PHF24: variants seen among roughly 807,000 people sequenced by gnomAD.
The protein encoded by PHF24 is PHD finger protein 24.
A neutral mutation model predicts 42.6 loss-of-function variants in PHF24; 25 were observed. The ratio of observed to expected loss-of-function variants is 0.59; its 90% CI spans 0.43 to 0.82. The LOEUF (loss-of-function observed/expected upper bound fraction) is 0.82, where lower values mean the gene tolerates loss of function less well. Ranked by LOEUF, PHF24 falls within the 40% of genes least tolerant of loss-of-function variation. PHF24 has a pLI of 0.00. For missense variants in PHF24, 470 were observed against 538.1 expected (o/e 0.87, Z 1.25); for synonymous variants, 185 against 204.8 (o/e 0.90, Z 0.83).
At chr9:34,731,456 T>C in the PHF24 span, among the ~76,000 whole-genome samples, 1 of 151,930 alleles carries the variant, frequency 6.6e-6, no homozygotes, top group Admixed American at 6.5e-5. Flanking sequence ...CCCCGCTACC[T>C]TTCCCAGCCT....
At chr9:34,769,472 A>G in the PHF24 span, among the ~76,000 whole-genome samples, 3 of 152,162 alleles carry the variant, frequency 2.0e-5, no homozygotes, top group Non-Finnish European at 4.4e-5. Context: ...GGATAGAAAG[A>G]CTCAACAATT....
chr9:34,964,389 T>G (rs1826697778), intron 1 of PHF24, among the ~76,000 whole-genome samples: 1 of 152,198 alleles, frequency 6.6e-6, no homozygotes, highest in African/African-American at 2.4e-5. Flanking sequence ...ACCCTCCATC[T>G]GAAAACATAA....
the PHF24 span, among the ~76,000 whole-genome samples, chr9:34,877,216 G>A: frequency 5.8e-4 from 88 of 151,166 alleles, no homozygotes; most frequent in African/African-American, 1.2e-3. Context: ...AGGAGGCAGC[G>A]GTTGCAGTGA....
chr9:34,814,608 AGGCTTTTGCTGT>A, the PHF24 span, among the ~76,000 whole-genome samples: 1 of 152,268 alleles, frequency 6.6e-6, no homozygotes, highest in Non-Finnish European at 1.5e-5. Flanking sequence ...AAACATGATG[AGGCTTTTGCTGT>A]GGCTGTACTG....
chr9:34,677,761 A>C, the PHF24 span, among the ~76,000 whole-genome samples: 1 of 152,070 alleles, frequency 6.6e-6, no homozygotes, highest in Non-Finnish European at 1.5e-5. Context: ...TTATAGAACA[A>C]AATCCTCACT....
chr9:34,816,870 G>A, the PHF24 span, among the ~76,000 whole-genome samples: 1 of 152,176 alleles, frequency 6.6e-6, no homozygotes, highest in African/African-American at 2.4e-5. Context: ...TGAGCAATTT[G>A]TTCTTGTACC....
At chr9:34,712,656 G>T in the PHF24 span, among the ~76,000 whole-genome samples, 1 of 150,204 alleles carries the variant, frequency 6.7e-6, no homozygotes, top group East Asian at 2.0e-4. Context: ...GTTTCATTTT[G>T]TTCATACACC....
chr9:34,815,101 T>C, the PHF24 span, among the ~76,000 whole-genome samples: 7 of 152,210 alleles, frequency 4.6e-5, no homozygotes, highest in Non-Finnish European at 1.0e-4. Flanking sequence ...TCTCAAGCAC[T>C]GCAGCTGCAT....
At chr9:34,918,296 A>C in the PHF24 span, 1 of 1,149,860 alleles carries the variant, frequency 8.7e-7, no homozygotes, top group Non-Finnish European at 1.3e-6. Flanking sequence ...ACAAAAACTA[A>C]GTGGACTAGA....
Position 34,977,245 on chromosome 9 carries a change from T to A in PHF24, c.1010+2T>A. Reference sequence around the variant, plus strand: ...AGAGGCTCCTTCCTGCAGTGTCAGGTCTGCTCCTTACCAGTCCTGGTCCCC... The same window carrying A: ...AGAGGCTCCTTCCTGCAGTGTCAGGACTGCTCCTTACCAGTCCTGGTCCCC... On this transcript the variant is annotated splice_donor_variant, in intron 6 of 7. Transcript: ENST00000242315. LOFTEE classifies it high-confidence loss of function. 6.2e-7 allele frequency: 1 copy of A among 1,600,928 alleles called. No individual in the cohort carries two copies. The highest frequency in any genetic ancestry group is 8.5e-7 in the Non-Finnish European group (1 of 1,172,462).
At chr9:34,712,991 T>C in the PHF24 span, among the ~76,000 whole-genome samples, 1 of 152,202 alleles carries the variant, frequency 6.6e-6, no homozygotes, top group Admixed American at 6.5e-5. Context: ...TTTCTTTGTA[T>C]TAGTAATTTT....
chr9:34,869,957 C>G, the PHF24 span, among the ~76,000 whole-genome samples: 4 of 152,084 alleles, frequency 2.6e-5, no homozygotes, highest in Non-Finnish European at 4.4e-5. Flanking sequence ...TTTGTCATTT[C>G]ATTTCTTTAC....
chr9:34,906,019 G>T, the PHF24 span, among the ~76,000 whole-genome samples: 1 of 152,018 alleles, frequency 6.6e-6, no homozygotes, highest in Non-Finnish European at 1.5e-5. Flanking sequence ...TTTGGTCTTT[G>T]TGGGTGTGTG....
chr9:34,894,917 G>C, the PHF24 span: 29 of 397,014 alleles, frequency 7.3e-5, no homozygotes, highest in Admixed American at 1.8e-4. Flanking sequence ...TTGTCCCTGG[G>C]GGGTACTAGA....
the PHF24 span, among the ~76,000 whole-genome samples, chr9:34,738,157 G>T: frequency 6.6e-6 from 1 of 152,196 alleles, no homozygotes; most frequent in Non-Finnish European, 1.5e-5. Context: ...TCCAGCACCA[G>T]CATTATCTGA....
At chr9:34,677,389 G>GTTTTTTTTTTTTTTTTTT in the PHF24 span, among the ~76,000 whole-genome samples, 26 of 79,774 alleles carry the variant, frequency 3.3e-4, 2 homozygotes, top group African/African-American at 1.3e-3. Flanking sequence ...TTTGTAAACT[G>GTTTTTTTTTTTTTTTTTT]TTTTTTTTTT....
the PHF24 span, among the ~76,000 whole-genome samples, chr9:34,693,940 G>A: frequency 2.9e-3 from 443 of 151,956 alleles, 3 homozygotes; most frequent in African/African-American, 9.3e-3. Flanking sequence ...TACTATTAAT[G>A]AACTTCCTAA....
At chr9:34,916,887 A>G in the PHF24 span, among the ~76,000 whole-genome samples, 1 of 152,280 alleles carries the variant, frequency 6.6e-6, no homozygotes, top group East Asian at 1.9e-4. Flanking sequence ...CATACTTGCC[A>G]TGTACACGGA....
the PHF24 span, among the ~76,000 whole-genome samples, chr9:34,789,114 T>A: frequency 6.6e-6 from 1 of 151,804 alleles, no homozygotes; most frequent in Non-Finnish European, 1.5e-5. Flanking sequence ...GGGAGCTAGG[T>A]GGGGATAAAG....
Sources: gnomAD v4.1 joint callset for allele counts (sites outside exome capture counted in the v4.1 genomes callset) on GRCh38, gnomAD v4.1.1 for gene constraint, MANE v1.5 for transcripts, NCBI Gene and HGNC (gene_info 2026-07-23, HGNC 2026-07-21) for gene names.